IPO9: variants seen among roughly 807,000 people sequenced by gnomAD.
IPO9 encodes importin-9.
In IPO9, 28 loss-of-function variants were observed where a neutral mutation model predicts 128.6. The ratio of observed to expected loss-of-function variants is 0.22; its 90% confidence interval spans 0.16 to 0.30. IPO9 has a LOEUF of 0.30. Ranked by LOEUF, IPO9 falls within the 10% of genes least tolerant of loss-of-function variation. The pLI is 1.00. For missense variants in IPO9, 935 were observed against 1,293.9 expected, an observed-to-expected ratio of 0.72 and a Z score of 4.26; for synonymous variants, 455 against 475.8, an observed-to-expected ratio of 0.96 and a Z score of 0.57.
intron 6 of IPO9, 104 bp downstream of exon 6, chr1:201,853,201 A>G (rs1010341810): frequency 7.2e-6 from 6 of 828,772 alleles, no homozygotes; most frequent in Admixed American, 5.9e-5. Context: ...CACACTAACC[A>G]GTATTAGAGA....
intron 1 of IPO9, among the ~76,000 whole-genome samples, chr1:201,844,263 A>G (rs1283211297): frequency 6.6e-6 from 1 of 152,216 alleles, no homozygotes; most frequent in Non-Finnish European, 1.5e-5. Flanking sequence ...AATATGATAT[A>G]CTGAGAAGGA....
At chr1:201,851,004 T>A (rs946688067) in intron 4 of IPO9, among the ~76,000 whole-genome samples, 3 of 152,014 alleles carry the variant, frequency 2.0e-5, no homozygotes, top group Non-Finnish European at 1.5e-5. Context: ...TTAGCTTTAT[T>A]TTTAGTTTTA....
intron 1 of IPO9, among the ~76,000 whole-genome samples, chr1:201,843,131 C>T (rs1292137013): frequency 6.6e-6 from 1 of 152,160 alleles, no homozygotes; most frequent in East Asian, 1.9e-4. Context: ...CCTCAGTGCA[C>T]CCCCTTCAGA....
chr1:201,829,700 A>G lies in IPO9; in HGVS notation c.163+328A>G, dbSNP rs186944169. ...TGGAGGAAGTAGCGCGGTCGGGGAA[A>G]TATTTTTTGAGTCCAGGACCAAAGT... On this transcript the variant is annotated intron_variant, in intron 1 of 23. Coordinates refer to ENST00000361565, the MANE Select transcript of IPO9 (RefSeq NM_018085.5). The G allele has an allele frequency of 3.5e-5, 8 of 226,224 alleles. No individual in the cohort carries two copies. In the East Asian group the frequency reaches 5.3e-4, roughly 15 times the overall value. The allele number at this position is 226,224 out of a possible 1,614,324, so 14.0% of individuals were successfully genotyped here.
At chr1:201,874,684 G>A (rs1473175553) in intron 21 of IPO9, 148 bp from the exon 22 acceptor site, 1 of 690,718 alleles carries the variant, frequency 1.4e-6, no homozygotes, top group Non-Finnish European at 2.6e-6. Flanking sequence ...TAACCAGGAG[G>A]GTTTGGCCAT....
At position 201,880,932 on chromosome 1, in the gene IPO9, AAG is replaced by A. The variant is rs1470557771; in HGVS notation, c.*4879_*4880del. On this transcript the variant is annotated 3_prime_UTR_variant, in exon 24 of 24. Transcript: ENST00000361565. ...AGTTTGCCCAACTGTAAGCTAATGT[AAG>A]TGATCTGAGTAGGTTTAAGGTAGCC... The A allele has an allele frequency of 1.3e-5, 2 of 152,368 alleles. No homozygotes were observed. Among genetic ancestry groups the A allele is most frequent in the South Asian group, 4.1e-4 (2 of 4,832 alleles). The allele number at this position is 152,368 out of a possible 1,614,324, so 9.4% of individuals were successfully genotyped here.
At chr1:201,829,758 C>T (rs948224014) in intron 1 of IPO9, among the ~76,000 whole-genome samples, 2 of 152,102 alleles carry the variant, frequency 1.3e-5, no homozygotes, top group African/African-American at 4.8e-5. Context: ...CTGGATTGTA[C>T]TGGGATAAGA....
chr1:201,875,906 C>A (rs926512894), intron 23 of IPO9, 38 bp from the exon 24 acceptor site: 3 of 1,298,914 alleles, frequency 2.3e-6, no homozygotes, highest in Non-Finnish European at 3.4e-6. Flanking sequence ...GGGTGACTTG[C>A]AATGTCTCAC....
chr1:201,857,322 A>G, intron 11 of IPO9, 128 bp downstream of exon 11: 1 of 642,004 alleles, frequency 1.6e-6, no homozygotes, highest in Non-Finnish European at 2.8e-6. Context: ...TTTATTGGGG[A>G]TGCAAGAGAG....
At chr1:201,838,618 C>A (rs1679982921) in intron 1 of IPO9, among the ~76,000 whole-genome samples, 1 of 151,912 alleles carries the variant, frequency 6.6e-6, no homozygotes, top group Non-Finnish European at 1.5e-5. Flanking sequence ...TTTAATAACT[C>A]TTTCAGAAAG....
chr1:201,829,485 A>C, intron 1 of IPO9, 113 bp downstream of exon 1: 1 of 1,085,618 alleles, frequency 9.2e-7, no homozygotes. Context: ...GTGGGCGCCG[A>C]GAAGTGGAGC....
intron 1 of IPO9, among the ~76,000 whole-genome samples, chr1:201,839,577 A>AC (rs1187998742): frequency 1.3e-5 from 2 of 151,178 alleles, no homozygotes; most frequent in Non-Finnish European, 2.9e-5. Flanking sequence ...AAAAAAAAAA[A>AC]AAAAAAAGTG....
At chr1:201,829,434 G>C in intron 1 of IPO9, 62 bp downstream of exon 1, 1 of 1,448,712 alleles carries the variant, frequency 6.9e-7, no homozygotes, top group Non-Finnish European at 9.2e-7. Context: ...CCGCAGCTCC[G>C]TACCGGCTGG....
rs766660848 is a variant in IPO9, at chr1:201,876,186, T to A, written c.*132T>A. ...GACCCTTGGCCCTTGGCCTCGGCAG[T>A]GACACTGATGACAATTCAGACCAGG... is the stretch of plus-strand genomic sequence containing the variant. On this transcript the variant is annotated 3_prime_UTR_variant, in exon 24 of 24. Coordinates refer to ENST00000361565, the MANE Select transcript of IPO9 (RefSeq NM_018085.5). 6.6e-6 allele frequency: 5 copies of A among 761,744 alleles called. No homozygotes were observed. In the East Asian group the frequency reaches 1.2e-4, roughly 19 times the overall value. The allele number at this position is 761,744 out of a possible 1,614,324, so 47.2% of individuals were successfully genotyped here.
At position 201,853,215 on chromosome 1, in the gene IPO9, A is replaced by G. The variant is rs866328117; in HGVS notation, c.690+118A>G. On this transcript the variant is annotated intron_variant, in intron 6 of 23. Transcript: ENST00000361565. ...GCACACTAACCAGTATTAGAGATAG[A>G]TTTAACATTTTTATTAAATTATTGT... is the stretch of plus-strand genomic sequence containing the variant. The G allele has an allele frequency of 1.8e-5, 14 of 778,338 alleles. No individual in the cohort carries two copies. The Middle Eastern group carries it at 8.4e-4, about 47-fold the overall frequency. The allele number at this position is 778,338 out of a possible 1,614,324, so 48.2% of individuals were successfully genotyped here.
Position 201,872,856 on chromosome 1 carries a change from C to T in IPO9, c.2605C>T (p.His869Tyr). Reference sequence around the variant, plus strand: ...TGTGGCACTCTGTAAGCTGCTCCAGCATGGCATCAATGCAGATGACAAACG... The same window carrying T: ...TGTGGCACTCTGTAAGCTGCTCCAGTATGGCATCAATGCAGATGACAAACG... ...SSVALCKLLQ[H>Y]GINADDKRLQ... Residue 869 changes from histidine (H) to tyrosine (Y), a missense_variant, in exon 20 of 24, where the codon CAT becomes TAT. Physicochemically the swap from His to Tyr is moderately conservative, Grantham distance 83. Coordinates refer to ENST00000361565, the MANE Select transcript of IPO9 (RefSeq NM_018085.5). 1 of 1,613,658 alleles carries T rather than the reference C, an allele frequency of 6.2e-7. No individual in the cohort carries two copies. The highest frequency in any genetic ancestry group is 8.5e-7 in the Non-Finnish European group (1 of 1,179,800).
chr1:201,844,440 T>C (rs756336679), intron 1 of IPO9, among the ~76,000 whole-genome samples: 21 of 152,134 alleles, frequency 1.4e-4, no homozygotes, highest in Non-Finnish European at 2.6e-4. Context: ...TGTCACACTT[T>C]AGAAGAAACT....
intron 14 of IPO9, among the ~76,000 whole-genome samples, chr1:201,865,115 G>T (rs1680524872): frequency 6.6e-6 from 1 of 151,410 alleles, no homozygotes; most frequent in South Asian, 2.1e-4. Flanking sequence ...TCAGTCAAGA[G>T]TTTCCCTTTG....
chr1:201,874,215 ACACT>A, intron 20 of IPO9, 31 bp from the exon 21 acceptor site: 1 of 1,610,974 alleles, frequency 6.2e-7, no homozygotes, highest in Non-Finnish European at 8.5e-7. Context: ...AAGCTCAGTG[ACACT>A]CTGACTTGAA....
Sources: gnomAD v4.1 joint callset for allele counts (sites outside exome capture counted in the v4.1 genomes callset) on GRCh38, gnomAD v4.1.1 for gene constraint, MANE v1.5 for transcripts, NCBI Gene and HGNC (gene_info 2026-07-23, HGNC 2026-07-21) for gene names.